RNF2: variants seen among roughly 807,000 people sequenced by gnomAD.
RNF2 encodes ring finger protein 2.
In RNF2, 6 loss-of-function variants were observed where a neutral mutation model predicts 37.2. That is an observed-to-expected ratio of 0.16 (90% CI 0.09 to 0.32). RNF2 has a LOEUF of 0.32. Among genes scored for constraint, RNF2 ranks in the 10% least tolerant of loss-of-function variants. The probability of loss-of-function intolerance (pLI) is 1.00; values close to 1 mark genes in which losing one functional copy is unlikely to be tolerated. For synonymous variants in RNF2, 133 were observed against 132.7 expected, an observed-to-expected ratio of 1.00 and a Z score of -0.02; for missense variants, 251 against 404.0, an observed-to-expected ratio of 0.62 and a Z score of 3.25.
Position 185,089,403 on chromosome 1 carries a change from A to G in RNF2, c.87+1763A>G, listed in dbSNP as rs867143775. Among the ~76,000 whole-genome samples the G allele has an allele frequency of 1.6e-4, 25 of 152,306 alleles. No homozygotes were observed. The Middle Eastern group carries it at 0.014, about 83-fold the overall frequency. On this transcript the variant is annotated intron_variant, in intron 2 of 6. Coordinates refer to ENST00000367510, the MANE Select transcript of RNF2 (RefSeq NM_007212.4). ...TTTTTATAAGGGACTTGAGCATCCA[A>G]GGATTTTGATATCTGTGGAAGTTCC...
chr1:185,097,561 C>T (rs1054136498), intron 4 of RNF2, among the ~76,000 whole-genome samples: 1 of 152,196 alleles, frequency 6.6e-6, no homozygotes, highest in Admixed American at 6.5e-5. Flanking sequence ...TAAGAGATAG[C>T]GTCTTACTCT....
chr1:185,055,558 G>A (rs1650408593), intron 1 of RNF2, among the ~76,000 whole-genome samples: 1 of 152,156 alleles, frequency 6.6e-6, no homozygotes, highest in Non-Finnish European at 1.5e-5. Context: ...GGGATTACAG[G>A]CGAGCGCCAC....
intron 1 of RNF2, among the ~76,000 whole-genome samples, chr1:185,085,570 T>C (rs555606409): frequency 2.0e-3 from 312 of 152,314 alleles, no homozygotes; most frequent in African/African-American, 7.2e-3. Flanking sequence ...CTCTCACTGA[T>C]TTTATTGTTA....
rs1652058401 is a variant in RNF2, at chr1:185,100,832, G to C, written c.*531G>C. 6.6e-6 allele frequency: 1 copy of C among 151,554 alleles called. No homozygotes were observed. The highest frequency in any genetic ancestry group is 2.4e-5 in the African/African-American group (1 of 41,192). 9.4% of individuals were successfully genotyped at this position (151,554 alleles called of 1,614,324 possible). On this transcript the variant is annotated 3_prime_UTR_variant, in exon 7 of 7. Transcript: ENST00000367510. ...TTCTCATAGGATTATTCTTTTCATG[G>C]TATTTTCTTCCATAATATCTCATTT... is the stretch of plus-strand genomic sequence containing the variant.
chr1:185,080,955 A>G (rs1651327896), intron 1 of RNF2, among the ~76,000 whole-genome samples: 1 of 152,220 alleles, frequency 6.6e-6, no homozygotes, highest in Non-Finnish European at 1.5e-5. Flanking sequence ...GACATGGGTT[A>G]GCATTTGGAA....
intron 4 of RNF2, among the ~76,000 whole-genome samples, chr1:185,097,622 C>T (rs1293267256): frequency 1.3e-5 from 2 of 152,264 alleles, no homozygotes; most frequent in Admixed American, 6.5e-5. Flanking sequence ...CGCCCTTCAA[C>T]TCCTGGGCTC....
chr1:185,066,720 G>A (rs1172372708), intron 1 of RNF2, among the ~76,000 whole-genome samples: 1 of 152,148 alleles, frequency 6.6e-6, no homozygotes, highest in African/African-American at 2.4e-5. Flanking sequence ...AGAAAATAAG[G>A]CTGCTGCTGT....
At position 185,082,345 on chromosome 1, in the gene RNF2, CTTTTTTTTTTT is replaced by C. The variant is rs3036553; in HGVS notation, c.-2-5195_-2-5185del. On this transcript the variant is annotated intron_variant, in intron 1 of 6. Coordinates refer to ENST00000367510, the MANE Select transcript of RNF2 (RefSeq NM_007212.4). ...CAAGGTTCTTGTCTCCTCTGCAGAACTTTTTTTTTTTTTTTTTTTTTTGAAGACAGAGTCTT... is the reference window on the plus strand; with the variant it reads ...CAAGGTTCTTGTCTCCTCTGCAGAACTTTTTTTTTTTGAAGACAGAGTCTT... Among the ~76,000 whole-genome samples the C allele has an allele frequency of 4.2e-5, 3 of 72,000 alleles. 1 individual carries two copies. Among genetic ancestry groups the C allele is most frequent in the South Asian group, 5.1e-4 (1 of 1,954 alleles). 47.2% of individuals were successfully genotyped at this position (72,000 alleles called of 152,430 possible).
chr1:185,047,720 G>C (rs1650158676), intron 1 of RNF2, among the ~76,000 whole-genome samples: 2 of 152,118 alleles, frequency 1.3e-5, no homozygotes, highest in Admixed American at 6.5e-5. Context: ...TCATAATTTT[G>C]AAATGACTCA....
intron 1 of RNF2, among the ~76,000 whole-genome samples, chr1:185,049,366 G>C (rs762734800): frequency 7.9e-5 from 12 of 152,246 alleles, no homozygotes; most frequent in Non-Finnish European, 1.5e-4. Context: ...GGAATAACTT[G>C]CACTTTTAAA....
chr1:185,051,780 CT>C (rs1472518525), intron 1 of RNF2, among the ~76,000 whole-genome samples: 3 of 148,896 alleles, frequency 2.0e-5, no homozygotes, highest in Non-Finnish European at 4.4e-5. Flanking sequence ...GGTATAACAA[CT>C]GTATACAAAA....
intron 3 of RNF2, among the ~76,000 whole-genome samples, chr1:185,092,176 CCCTTT>C (rs1386369331): frequency 6.6e-6 from 1 of 151,028 alleles, no homozygotes; most frequent in African/African-American, 2.4e-5. Flanking sequence ...TTCCCCTTTC[CCCTTT>C]CCTTTCCTTT....
chr1:185,086,319 T>C (rs1159698813), intron 1 of RNF2, among the ~76,000 whole-genome samples: 1 of 152,152 alleles, frequency 6.6e-6, no homozygotes, highest in Non-Finnish European at 1.5e-5. Context: ...AATATTAGGA[T>C]GACTGGGGTC....
At chr1:185,091,497 C>A in intron 2 of RNF2, 82 bp from the exon 3 acceptor site, 1 of 1,376,452 alleles carries the variant, frequency 7.3e-7, no homozygotes, top group Non-Finnish European at 1.0e-6. Flanking sequence ...TTGTTTTTAC[C>A]ATTTCCAGTA....
At chr1:185,098,415 T>C in intron 5 of RNF2, 71 bp downstream of exon 5, 2 of 1,525,042 alleles carry the variant, frequency 1.3e-6, no homozygotes, top group South Asian at 1.2e-5. Flanking sequence ...GGCAGTCTTG[T>C]ATAAGAAGTA....
intron 1 of RNF2, among the ~76,000 whole-genome samples, chr1:185,076,679 A>AT (rs1158792678): frequency 9.1e-4 from 135 of 148,108 alleles, no homozygotes; most frequent in African/African-American, 3.0e-3. Context: ...AAGGGTTTAA[A>AT]TTTTTTTTTT....
At chr1:185,061,879 A>G (rs1650617552) in intron 1 of RNF2, among the ~76,000 whole-genome samples, 1 of 152,202 alleles carries the variant, frequency 6.6e-6, no homozygotes, top group Non-Finnish European at 1.5e-5. Context: ...ACTTAACATA[A>G]AGGTTTAAAT....
intron 1 of RNF2, among the ~76,000 whole-genome samples, chr1:185,081,805 G>A (rs564743678): frequency 8.0e-4 from 122 of 152,254 alleles, no homozygotes; most frequent in African/African-American, 2.9e-3. Context: ...CCAGCCGTGG[G>A]CATTGCAGTT....
At position 185,053,038 on chromosome 1, in the gene RNF2, A is replaced by G. The variant is rs139030700; in HGVS notation, c.-3+7389A>G. 5.9e-4 allele frequency among the ~76,000 whole-genome samples: 90 copies of G among 152,332 alleles called. 1 individual carries two copies. The highest frequency in any genetic ancestry group is 2.3e-3 in the South Asian group (11 of 4,828). On this transcript the variant is annotated intron_variant, in intron 1 of 6. Coordinates refer to ENST00000367510, the MANE Select transcript of RNF2 (RefSeq NM_007212.4). The stretch of plus-strand genomic sequence containing the variant: ...TAGACAAGGAAACTGAGGAATTAAG[A>G]AGTTTAAATGAGGTCTCCAAGACAC...
Sources: gnomAD v4.1 joint callset for allele counts (sites outside exome capture counted in the v4.1 genomes callset) on GRCh38, gnomAD v4.1.1 for gene constraint, MANE v1.5 for transcripts, NCBI Gene and HGNC (gene_info 2026-07-23, HGNC 2026-07-21) for gene names.